The following FARP1 variants were observed in gnomAD, a reference collection of about 807,000 sequenced individuals.
The protein encoded by FARP1 is FERM, ARH/RhoGEF and pleckstrin domain protein 1.
A neutral mutation model predicts 128.8 loss-of-function variants in FARP1; 52 were observed. The observed-to-expected ratio is 0.40, with a 90% confidence interval of 0.32 to 0.51. FARP1 has a LOEUF of 0.51. Ranked by LOEUF, FARP1 falls within the 20% of genes least tolerant of loss-of-function variation. FARP1 has a pLI of 0.45. For missense variants in FARP1, 1,333 were observed against 1,367.9 expected, an observed-to-expected ratio of 0.97 and a Z score of 0.40; for synonymous variants, 580 against 551.8, an observed-to-expected ratio of 1.05 and a Z score of -0.72.
At chr13:98,188,632 G>A (rs895330009) in intron 1 of FARP1, among the ~76,000 whole-genome samples, 3 of 152,106 alleles carry the variant, frequency 2.0e-5, no homozygotes, top group Non-Finnish European at 4.4e-5. Context: ...GGCTTAAAGC[G>A]GTGCCCTTGT....
At chr13:98,321,799 T>G (rs1267471993) in intron 2 of FARP1, among the ~76,000 whole-genome samples, 1 of 152,258 alleles carries the variant, frequency 6.6e-6, no homozygotes, top group Non-Finnish European at 1.5e-5. Flanking sequence ...AGAAAAATGT[T>G]TGATAATATT....
At chr13:98,171,105 A>G (rs889946143) in intron 1 of FARP1, among the ~76,000 whole-genome samples, 10 of 152,346 alleles carry the variant, frequency 6.6e-5, no homozygotes, top group African/African-American at 2.4e-4. Context: ...GCAGGATGGA[A>G]GAAGGGGACT....
At chr13:98,342,556 G>A (rs1020174692) in intron 2 of FARP1, among the ~76,000 whole-genome samples, 2 of 151,562 alleles carry the variant, frequency 1.3e-5, no homozygotes, top group African/African-American at 2.4e-5. Context: ...AAAAATTAGC[G>A]GGGCATGGTG....
intron 13 of FARP1, chr13:98,399,258 C>T (rs1488186632): frequency 2.0e-5 from 3 of 152,236 alleles, no homozygotes; most frequent in Non-Finnish European, 4.4e-5. Flanking sequence ...AATAAAGATT[C>T]TATAACATTG....
chr13:98,363,836 G>A (rs1198865287), intron 3 of FARP1, among the ~76,000 whole-genome samples: 2 of 152,096 alleles, frequency 1.3e-5, no homozygotes, highest in African/African-American at 4.8e-5. Flanking sequence ...CTGTCTCTTG[G>A]GTTCAAGTGA....
intron 13 of FARP1, chr13:98,404,484 C>T (rs1427678912): frequency 1.3e-5 from 2 of 152,152 alleles, no homozygotes; most frequent in East Asian, 3.9e-4. Context: ...TAATACTGCC[C>T]TTTTTTTTGA....
chr13:98,408,534 G>A (rs1891064950), intron 13 of FARP1, among the ~76,000 whole-genome samples: 1 of 151,928 alleles, frequency 6.6e-6, no homozygotes, highest in Non-Finnish European at 1.5e-5. Context: ...TCATCATGTT[G>A]GCTAGACTGG....
At chr13:98,362,130 G>A (rs1888898052) in intron 3 of FARP1, among the ~76,000 whole-genome samples, 1 of 152,180 alleles carries the variant, frequency 6.6e-6, no homozygotes, top group Non-Finnish European at 1.5e-5. Context: ...CAGGCATGGT[G>A]GCATGTGCCT....
chr13:98,254,449 A>C (rs1883489835), intron 2 of FARP1, among the ~76,000 whole-genome samples: 1 of 152,170 alleles, frequency 6.6e-6, no homozygotes, highest in Admixed American at 6.6e-5. Context: ...TAAAATGATC[A>C]GACAGTTTTG....
chr13:98,218,719 G>T (rs749110672), intron 2 of FARP1, among the ~76,000 whole-genome samples: 2 of 152,160 alleles, frequency 1.3e-5, no homozygotes, highest in East Asian at 3.8e-4. Flanking sequence ...CCTTATGTGC[G>T]TGTGGGGTGG....
At chr13:98,272,060 C>A (rs145368774) in intron 2 of FARP1, among the ~76,000 whole-genome samples, 1 of 148,902 alleles carries the variant, frequency 6.7e-6, no homozygotes, top group South Asian at 2.1e-4. Context: ...GGTGTAGTCT[C>A]GCTCTGTCTC....
At chr13:98,377,750 C>G (rs1889653061) in intron 5 of FARP1, 71 bp from the exon 6 acceptor site, 1 of 1,126,598 alleles carries the variant, frequency 8.9e-7, no homozygotes, top group Admixed American at 1.7e-5. Flanking sequence ...CTTGGCCTCT[C>G]ATGGTGAGGC....
chr13:98,240,547 A>G (rs1055087943), intron 2 of FARP1, among the ~76,000 whole-genome samples: 2 of 152,220 alleles, frequency 1.3e-5, no homozygotes, highest in African/African-American at 4.8e-5. Flanking sequence ...AAACTGTACC[A>G]GATACTTTGT....
At chr13:98,305,858 T>TC (rs1428647069) in intron 2 of FARP1, among the ~76,000 whole-genome samples, 10 of 114,598 alleles carry the variant, frequency 8.7e-5, no homozygotes, top group African/African-American at 2.5e-4. Context: ...ATTATTACTT[T>TC]CCCTTTTTTT....
rs182754554 is a variant in FARP1, at chr13:98,258,099, G to A, written c.171+44686G>A. ...CGCCATTCTCCTGCCTCAGCCTCCC[G>A]AGTAGCTGAGGCACCCGCGACCGTG... On this transcript the variant is annotated intron_variant, in intron 2 of 26. Coordinates refer to ENST00000319562, the MANE Select transcript of FARP1 (RefSeq NM_005766.4). Among the ~76,000 whole-genome samples, 32 of 152,046 alleles carry A rather than the reference G, an allele frequency of 2.1e-4. 1 individual carries two copies. The highest frequency in any genetic ancestry group is 6.7e-4 in the African/African-American group (28 of 41,492).
In FARP1 at chr13:98,290,074, G is replaced by C. The variant is rs1167746581; in HGVS notation, c.172-53688G>C. 4.1e-5 allele frequency among the ~76,000 whole-genome samples: 6 copies of C among 145,384 alleles called. No individual in the cohort carries two copies. The East Asian group carries it at 1.2e-3, about 29-fold the overall frequency. ...TTTATCTTTTTTTTTTTTTTTTGGT[G>C]TTGGGTGGCGAGGAGGGAGTGGTGA... is the stretch of plus-strand genomic sequence containing the variant. On this transcript the variant is annotated intron_variant, in intron 2 of 26. Transcript: ENST00000319562.
intron 2 of FARP1, among the ~76,000 whole-genome samples, chr13:98,257,130 T>C (rs1204743238): frequency 2.0e-5 from 3 of 151,904 alleles, no homozygotes; most frequent in Non-Finnish European, 2.9e-5. Context: ...CCAAATATCA[T>C]TGAATACAAA....
At chr13:98,261,784 C>G (rs1338490644) in intron 2 of FARP1, among the ~76,000 whole-genome samples, 10 of 152,126 alleles carry the variant, frequency 6.6e-5, no homozygotes, top group Admixed American at 6.5e-4. Flanking sequence ...TTTTGCGTTA[C>G]AACCAACACT....
rs1491240213 is a variant in FARP1 at position 98,449,059 on chromosome 13, T to TGTGA, written c.*746_*749dup. The TGTGA allele has an allele frequency of 6.6e-6, 1 of 152,262 alleles. No homozygotes were observed. The highest frequency in any genetic ancestry group is 6.5e-5 in the Admixed American group (1 of 15,286). 9.4% of individuals were successfully genotyped at this position (152,262 alleles called of 1,614,324 possible). On this transcript the variant is annotated 3_prime_UTR_variant, in exon 27 of 27. Transcript: ENST00000319562. ...TGCAATACCTGGACTGTCACCGTCCTGTGAGTGGTGTACACAATGGGAAGA... is the reference window on the plus strand; with the variant it reads ...TGCAATACCTGGACTGTCACCGTCCTGTGAGTGAGTGGTGTACACAATGGGAAGA...
Sources: allele counts gnomAD v4.1 joint callset (sites outside exome capture counted in the v4.1 genomes callset), GRCh38; gene constraint gnomAD v4.1.1; transcripts MANE v1.5; gene names NCBI Gene and HGNC (gene_info 2026-07-23, HGNC 2026-07-21).